The following TLN2 variants were observed in gnomAD, a reference collection of about 807,000 sequenced individuals.
The protein encoded by TLN2 is talin-2.
Under a neutral mutation model 294.7 loss-of-function variants are expected in TLN2, and 118 were observed. The ratio of observed to expected loss-of-function variants is 0.40; its 90% confidence interval spans 0.34 to 0.47. TLN2 has a LOEUF of 0.47. TLN2 is among the 20% of genes least tolerant of loss of function. TLN2 has a pLI of 0.84. For synonymous variants in TLN2, 1,431 were observed against 1,304.5 expected (o/e 1.10, Z -2.09); for missense variants, 3,083 against 3,282.2 (o/e 0.94, Z 1.48).
intron 45 of TLN2, among the ~76,000 whole-genome samples, chr15:62,787,383 A>AC (rs2064751488): frequency 6.6e-6 from 1 of 151,838 alleles, no homozygotes; most frequent in Non-Finnish European, 1.5e-5. Context: ...GATTCCTTAG[A>AC]CCCCCTCCAA....
At chr15:62,469,909 G>T (rs1268840258) in intron 1 of TLN2, among the ~76,000 whole-genome samples, 1 of 152,052 alleles carries the variant, frequency 6.6e-6, no homozygotes, top group African/African-American at 2.4e-5. Context: ...CTCAAAATGG[G>T]CATGGCTCTT....
chr15:62,748,319 A>G (rs944853144), intron 32 of TLN2, 32 bp from the exon 33 acceptor site: 7 of 1,155,618 alleles, frequency 6.1e-6, no homozygotes, highest in Non-Finnish European at 8.2e-6. Flanking sequence ...TTGATCTTCA[A>G]AAAAAAAAAA....
At chr15:62,619,321 C>T (rs960767543) in intron 3 of TLN2, among the ~76,000 whole-genome samples, 1 of 152,242 alleles carries the variant, frequency 6.6e-6, no homozygotes, top group Non-Finnish European at 1.5e-5. Flanking sequence ...TGCCCATTCT[C>T]ATAGCGCACC....
chr15:62,784,239 A>G (rs2064443099), intron 45 of TLN2: 2 of 388,248 alleles, frequency 5.2e-6, no homozygotes, highest in South Asian at 1.4e-4. Flanking sequence ...TACTCCAGTT[A>G]GCACATCCCC....
intron 1 of TLN2, among the ~76,000 whole-genome samples, chr15:62,586,056 G>C (rs1209066727): frequency 6.6e-6 from 1 of 152,224 alleles, no homozygotes; most frequent in Non-Finnish European, 1.5e-5. Context: ...CGGATGACTA[G>C]TAAATGATCC....
intron 1 of TLN2, among the ~76,000 whole-genome samples, chr15:62,438,563 G>A (rs549316851): frequency 4.6e-5 from 7 of 152,294 alleles, no homozygotes; most frequent in African/African-American, 1.2e-4. Context: ...TGCATAATCA[G>A]TCAGCCCATG....
At chr15:62,671,479 A>G (rs533243530) in intron 9 of TLN2, among the ~76,000 whole-genome samples, 5 of 152,216 alleles carry the variant, frequency 3.3e-5, no homozygotes, top group African/African-American at 9.6e-5. Context: ...AGGGGGTCCA[A>G]TTTCTGTCTT....
intron 1 of TLN2, among the ~76,000 whole-genome samples, chr15:62,395,280 A>G (rs975418411): frequency 6.6e-6 from 1 of 151,710 alleles, no homozygotes; most frequent in South Asian, 2.1e-4. Context: ...CTGAAATACA[A>G]CATTATAAAA....
chr15:62,702,111 G>C lies in TLN2; in HGVS notation c.1816G>C (p.Gly606Arg), dbSNP rs1192434635. 18 of 1,614,048 alleles carry C rather than the reference G, an allele frequency of 1.1e-5. No individual in the cohort carries two copies. The highest frequency in any genetic ancestry group is 1.5e-5 in the Non-Finnish European group (18 of 1,180,044). ...GGCCGCCCTCATGGATGATGAGGTG[G>C]GCAGCGGGGAGGACTTGCTCAGAGC... Reference protein sequence around the residue: ...LLAALMDDEVGSGEDLLRAAR... With the variant: ...LLAALMDDEVRSGEDLLRAAR... The change falls in exon 18 of 59, where the codon GGC (glycine) becomes CGC (arginine). Residue 606 changes from glycine to arginine, a missense_variant. Physicochemically the swap from Gly to Arg is moderately radical, Grantham distance 125 (BLOSUM62 -2). Transcript: ENST00000636159.
intron 54 of TLN2, chr15:62,829,768 C>T (rs982653126): frequency 6.6e-6 from 1 of 152,140 alleles, no homozygotes; most frequent in Non-Finnish European, 1.5e-5. Flanking sequence ...ACCCATGAAC[C>T]ATCCCTACCT....
chr15:62,778,730 A>G (rs933344197), intron 43 of TLN2, among the ~76,000 whole-genome samples: 1 of 152,216 alleles, frequency 6.6e-6, no homozygotes, highest in African/African-American at 2.4e-5. Flanking sequence ...ACTTGATAGC[A>G]GTAATTAGGA....
intron 45 of TLN2, chr15:62,784,812 T>C (rs377187009): frequency 4.7e-4 from 71 of 152,344 alleles, no homozygotes; most frequent in African/African-American, 1.6e-3. Context: ...TTCGAGACGT[T>C]CCTAAATGAA....
intron 1 of TLN2, among the ~76,000 whole-genome samples, chr15:62,550,321 A>T (rs79426362): frequency 0.012 from 1,808 of 152,330 alleles, 46 homozygotes; most frequent in African/African-American, 0.04. Context: ...TACCTCTCGG[A>T]ATAATGACTT....
At chr15:62,541,257 A>G (rs1392747041) in intron 1 of TLN2, among the ~76,000 whole-genome samples, 1 of 152,178 alleles carries the variant, frequency 6.6e-6, no homozygotes, top group Non-Finnish European at 1.5e-5. Flanking sequence ...TAATAGCGTC[A>G]TGGATTTTCA....
At chr15:62,505,551 G>A (rs1006899797) in intron 1 of TLN2, among the ~76,000 whole-genome samples, 1 of 152,134 alleles carries the variant, frequency 6.6e-6, no homozygotes, top group African/African-American at 2.4e-5. Context: ...GTCTGCAGGC[G>A]TACATCCTTG....
chr15:62,540,746 C>T (rs976531232), intron 1 of TLN2, among the ~76,000 whole-genome samples: 1 of 152,008 alleles, frequency 6.6e-6, no homozygotes, highest in African/African-American at 2.4e-5. Flanking sequence ...GATTTGATCT[C>T]GAAGGGCCTT....
rs1270441271 is a variant in TLN2 at position 62,842,321 on chromosome 15, C to T, written c.*1711C>T. On this transcript the variant is annotated 3_prime_UTR_variant, in exon 59 of 59. Coordinates refer to ENST00000636159, the MANE Select transcript of TLN2 (RefSeq NM_015059.3). ...CCAGTTCTGAAGAGGAGGGGAGCTGCTGGAGCCCTAGCCTGTTGGGGAAAA... is the reference window on the plus strand; with the variant it reads ...CCAGTTCTGAAGAGGAGGGGAGCTGTTGGAGCCCTAGCCTGTTGGGGAAAA... 1.3e-5 allele frequency: 2 copies of T among 152,228 alleles called. No individual in the cohort carries two copies. Among genetic ancestry groups the T allele is most frequent in the African/African-American group, 4.8e-5 (2 of 41,436 alleles). 9.4% of individuals were successfully genotyped at this position (152,228 alleles called of 1,614,324 possible).
chr15:62,454,719 G>A (rs1313530496), intron 1 of TLN2, among the ~76,000 whole-genome samples: 1 of 152,134 alleles, frequency 6.6e-6, no homozygotes, highest in African/African-American at 2.4e-5. Context: ...GGAGGGTTTA[G>A]TTTTGAGCAG....
intron 1 of TLN2, among the ~76,000 whole-genome samples, chr15:62,411,136 G>A (rs554473353): frequency 6.6e-5 from 10 of 152,282 alleles, no homozygotes; most frequent in African/African-American, 2.4e-4. Flanking sequence ...CAGTCTGGAA[G>A]CGTATGTGTG....
Sources: gnomAD v4.1 joint callset for allele counts (sites outside exome capture counted in the v4.1 genomes callset) on GRCh38, gnomAD v4.1.1 for gene constraint, MANE v1.5 for transcripts, NCBI Gene and HGNC (gene_info 2026-07-23, HGNC 2026-07-21) for gene names.